Variants in DOCK8 observed in about 807,000 individuals in gnomAD.
DOCK8 encodes dedicator of cytokinesis protein 8.
In DOCK8, 141 loss-of-function variants were observed where a neutral mutation model predicts 245.6. The ratio of observed to expected loss-of-function variants is 0.57; its 90% confidence interval spans 0.50 to 0.66. The LOEUF is 0.66. Ranked by LOEUF, DOCK8 falls within the 30% of genes least tolerant of loss-of-function variation. DOCK8 has a pLI of 0.00. For synonymous variants in DOCK8, 1,168 were observed against 970.2 expected, an observed-to-expected ratio of 1.20 and a Z score of -3.79; for missense variants, 2,965 against 2,603.4, an observed-to-expected ratio of 1.14 and a Z score of -3.02.
At position 428,435 on chromosome 9, in the gene DOCK8, G is replaced by A; in HGVS notation, c.4412G>A (p.Cys1471Tyr). Residue 1471 changes from cysteine to tyrosine, a missense_variant, in exon 35 of 48, where the codon TGT (cysteine) becomes TAT (tyrosine). By Grantham distance (194) the Cys-to-Tyr change is radical (BLOSUM62 -2). Coordinates refer to ENST00000432829, the MANE Select transcript of DOCK8 (RefSeq NM_203447.4). Reference protein sequence around the residue: ...VLRVLVNSLNCDQSTTYLTHC... With the variant: ...VLRVLVNSLNYDQSTTYLTHC... ...AGGGTGCTGGTGAATTCTCTGAACTGTGATCAGAGTACCACCTACCTGACT... is the reference window on the plus strand; with the variant it reads ...AGGGTGCTGGTGAATTCTCTGAACTATGATCAGAGTACCACCTACCTGACT... 4.3e-6 allele frequency: 7 copies of A among 1,614,102 alleles called. No individual in the cohort carries two copies. The highest frequency in any genetic ancestry group is 5.9e-6 in the Non-Finnish European group (7 of 1,179,960).
intron 28 of DOCK8, among the ~76,000 whole-genome samples, chr9:407,563 C>T (rs1287504640): frequency 6.6e-6 from 1 of 152,132 alleles, no homozygotes; most frequent in East Asian, 1.9e-4. Context: ...GCTTCTGAAT[C>T]CTTTTACCTC....
intron 2 of DOCK8, chr9:272,939 C>A: frequency 1.5e-6 from 1 of 648,906 alleles, no homozygotes; most frequent in Non-Finnish European, 1.9e-6. Context: ...CTTGCTGGTT[C>A]TGCTGCTTAT....
chr9:246,664 T>C (rs1452960918), intron 1 of DOCK8, among the ~76,000 whole-genome samples: 1 of 152,210 alleles, frequency 6.6e-6, no homozygotes, highest in African/African-American at 2.4e-5. Context: ...GAAAAATTTT[T>C]AATATTGTAT....
chr9:271,526 C>T (rs941073682), intron 1 of DOCK8, 101 bp from the exon 2 acceptor site: 1 of 936,176 alleles, frequency 1.1e-6, no homozygotes. Context: ...ATTGCCCAGC[C>T]AAGGCCTACG....
intron 1 of DOCK8, among the ~76,000 whole-genome samples, chr9:228,734 C>A (rs558016050): frequency 6.6e-6 from 1 of 152,170 alleles, no homozygotes; most frequent in African/African-American, 2.4e-5. Flanking sequence ...AGTTTAGTGA[C>A]TTAAAACAGC....
At chr9:406,146 C>T (rs1156516792) in intron 27 of DOCK8, among the ~76,000 whole-genome samples, 1 of 152,202 alleles carries the variant, frequency 6.6e-6, no homozygotes, top group Non-Finnish European at 1.5e-5. Flanking sequence ...TCCCTGACAT[C>T]ACTTGTAGTT....
At chr9:419,362 G>A (rs1228368386) in intron 30 of DOCK8, among the ~76,000 whole-genome samples, 2 of 152,150 alleles carry the variant, frequency 1.3e-5, no homozygotes, top group Admixed American at 1.3e-4. Flanking sequence ...TACTGTTGGA[G>A]AAATATTGTG....
At chr9:354,815 C>T (rs887204682) in intron 14 of DOCK8, among the ~76,000 whole-genome samples, 4 of 152,096 alleles carry the variant, frequency 2.6e-5, no homozygotes, top group Admixed American at 1.3e-4. Flanking sequence ...AACAAGCAAG[C>T]GGGAGGGTAA....
At chr9:367,312 T>C (rs1038983790) in intron 14 of DOCK8, among the ~76,000 whole-genome samples, 4 of 152,226 alleles carry the variant, frequency 2.6e-5, no homozygotes, top group African/African-American at 9.6e-5. Flanking sequence ...GGCACTGTTC[T>C]AGTGCTGGAG....
At chr9:266,893 A>G (rs374687502) in intron 1 of DOCK8, among the ~76,000 whole-genome samples, 1 of 142,806 alleles carries the variant, frequency 7.0e-6, no homozygotes, top group Non-Finnish European at 1.5e-5. Flanking sequence ...CATGAAACTT[A>G]TCTTGGACAT....
intron 20 of DOCK8, among the ~76,000 whole-genome samples, chr9:379,087 G>A (rs2053632648): frequency 6.6e-6 from 1 of 152,184 alleles, no homozygotes; most frequent in Admixed American, 6.5e-5. Context: ...TCAGAGGTAA[G>A]AGAGCAGGCA....
At chr9:437,842 T>G (rs1421935703) in intron 39 of DOCK8, among the ~76,000 whole-genome samples, 1 of 152,250 alleles carries the variant, frequency 6.6e-6, no homozygotes, top group East Asian at 1.9e-4. Flanking sequence ...TGCTGTTACT[T>G]GTACCTCCCT....
chr9:318,683 G>A (rs1469846629), intron 7 of DOCK8, among the ~76,000 whole-genome samples: 2 of 152,184 alleles, frequency 1.3e-5, no homozygotes, highest in Non-Finnish European at 2.9e-5. Context: ...GCACAGAAAA[G>A]CAAGCTCTTG....
intron 38 of DOCK8, 99 bp from the exon 39 acceptor site, chr9:434,684 A>T (rs1423982560): frequency 7.9e-7 from 1 of 1,261,850 alleles, no homozygotes; most frequent in African/African-American, 1.5e-5. Context: ...GGGTACAGGG[A>T]ACTCTTGGGG....
chr9:323,921 A>G (rs1232509857), intron 7 of DOCK8, among the ~76,000 whole-genome samples: 2 of 152,212 alleles, frequency 1.3e-5, no homozygotes, highest in African/African-American at 4.8e-5. Context: ...CTGTTCATGG[A>G]CAAGTGGGTT....
intron 1 of DOCK8, among the ~76,000 whole-genome samples, chr9:260,120 G>T (rs2129757439): frequency 6.6e-6 from 1 of 152,302 alleles, no homozygotes; most frequent in East Asian, 1.9e-4. Flanking sequence ...CTCAAGCCTG[G>T]CCAACTTCAC....
At chr9:274,747 C>T (rs2048279123) in intron 2 of DOCK8, among the ~76,000 whole-genome samples, 1 of 152,274 alleles carries the variant, frequency 6.6e-6, no homozygotes, top group Non-Finnish European at 1.5e-5. Flanking sequence ...AGTTTATCAT[C>T]TAAAGACTCT....
upstream of DOCK8, chr9:214,817 G>T: frequency 6.3e-7 from 1 of 1,595,912 alleles, no homozygotes; most frequent in Non-Finnish European, 8.5e-7. Flanking sequence ...CTCCCCCGGG[G>T]TGATTTCGGC....
chr9:426,856 C>T (rs565472100), intron 33 of DOCK8, 29 bp from the exon 34 acceptor site: 2 of 1,603,022 alleles, frequency 1.2e-6, no homozygotes, highest in Non-Finnish European at 1.7e-6. Flanking sequence ...TTGACATGCG[C>T]TTTAATTTGA....
Sources: gnomAD v4.1 joint callset for allele counts (sites outside exome capture counted in the v4.1 genomes callset) on GRCh38, gnomAD v4.1.1 for gene constraint, MANE v1.5 for transcripts, NCBI Gene and HGNC (gene_info 2026-07-23, HGNC 2026-07-21) for gene names.